Variants in AHCTF1 observed in about 807,000 individuals in gnomAD.
AHCTF1 encodes protein ELYS.
A neutral mutation model predicts 248.4 loss-of-function variants in AHCTF1; 24 were observed. The observed-to-expected ratio is 0.10, with a 90% CI of 0.07 to 0.14. The LOEUF is 0.14. AHCTF1 is among the 10% of genes least tolerant of loss of function. The pLI is 1.00. For missense variants in AHCTF1, 2,206 were observed against 2,636.2 expected, an observed-to-expected ratio of 0.84 and a Z score of 3.57; for synonymous variants, 786 against 929.8, an observed-to-expected ratio of 0.85 and a Z score of 2.81.
Position 246,849,765 on chromosome 1 carries a change from C to T in AHCTF1, c.6241G>A (p.Glu2081Lys). The T allele has an allele frequency of 6.2e-7, 1 of 1,613,970 alleles. No individual in the cohort carries two copies. The highest frequency in any genetic ancestry group is 1.1e-5 in the South Asian group (1 of 91,076). The change falls in exon 33 of 36, where the codon GAA (glutamate) becomes AAA (lysine). Residue 2081 changes from glutamate (E) to lysine (K), a missense_variant. Coordinates refer to ENST00000648844, the MANE Select transcript of AHCTF1 (RefSeq NM_001323342.2). Reference sequence around the variant, plus strand: ...GAAGCTGTGGCGAGCAATCTTTCTTCCTGCTCATTTGTTTCTTTATGTGTC... The same window carrying T: ...GAAGCTGTGGCGAGCAATCTTTCTTTCTGCTCATTTGTTTCTTTATGTGTC... ...EMTHKETNEQ[E>K]ERLLATASFT...
In AHCTF1 at chr1:246,851,204, C is replaced by T; in HGVS notation, c.4802G>A (p.Gly1601Glu). 1.2e-6 allele frequency: 2 copies of T among 1,613,926 alleles called. No homozygotes were observed. Among genetic ancestry groups the T allele is most frequent in the Non-Finnish European group, 1.7e-6 (2 of 1,179,848 alleles). ...NFTLILEGEE[G>E]EVEPGDFASS... The stretch of plus-strand genomic sequence containing the variant: ...TGCAAAATCACCTGGCTCAACTTCT[C>T]CTTCTTCACCTTCCAATATCAAGGT... Residue 1601 changes from glycine (G) to glutamate (E), a missense_variant, in exon 33 of 36, where the codon GGA becomes GAA. This residue lies in a region of AHCTF1 where 955 missense variants were observed against 1,055.6 expected (regional missense o/e 0.90). Coordinates refer to ENST00000648844, the MANE Select transcript of AHCTF1 (RefSeq NM_001323342.2).
At chr1:246,930,036 A>G (rs1368965653) in intron 1 of AHCTF1, among the ~76,000 whole-genome samples, 1 of 147,840 alleles carries the variant, frequency 6.8e-6, no homozygotes, top group African/African-American at 2.6e-5. Context: ...TGGGCAACAG[A>G]GCAAGACCCC....
rs557487247 is a variant in AHCTF1 at position 246,922,806 on chromosome 1, C to T, written c.-7-4429G>A. Among the ~76,000 whole-genome samples, 9 of 150,528 alleles carry T rather than the reference C, an allele frequency of 6.0e-5. No homozygotes were observed. In the South Asian group the frequency reaches 8.4e-4, roughly 14 times the overall value. On this transcript the variant is annotated intron_variant, in intron 1 of 35. Transcript: ENST00000648844. Reference sequence around the variant, plus strand: ...GACCATCCTGGATAACACGGTGAAACCCTGTCTCTACTAAAAATACAAAAA... The same window carrying T: ...GACCATCCTGGATAACACGGTGAAATCCTGTCTCTACTAAAAATACAAAAA...
chr1:246,873,906 G>T (rs917123189), intron 24 of AHCTF1, among the ~76,000 whole-genome samples: 2 of 152,058 alleles, frequency 1.3e-5, no homozygotes, highest in Admixed American at 6.5e-5. Context: ...ACTATTCAAC[G>T]ATAGGTGAAA....
intron 1 of AHCTF1, among the ~76,000 whole-genome samples, chr1:246,928,461 C>G (rs771404535): frequency 2.2e-4 from 34 of 152,034 alleles, no homozygotes; most frequent in Non-Finnish European, 5.9e-5. Context: ...ATTAGGATAA[C>G]AGGATACTGT....
rs201113359 is a variant in AHCTF1 at position 246,898,288 on chromosome 1, G to A, written c.1543C>T (p.Pro515Ser). ...ACAAGACATCGATTATAACCATCAG[G>A]AATGAGTTCATTGAGTGATGGACCT... ...KSGPSLNELI[P>S]DGYNRCLVAG... Residue 515 changes from proline (P) to serine (S), a missense_variant, in exon 12 of 36, where the codon CCT (proline) becomes TCT (serine). Transcript: ENST00000648844. 7.4e-6 allele frequency: 12 copies of A among 1,612,888 alleles called. No homozygotes were observed. Among genetic ancestry groups the A allele is most frequent in the Non-Finnish European group, 9.3e-6 (11 of 1,179,866 alleles).
chr1:246,877,435 TTTG>T (rs1161919828), intron 21 of AHCTF1, 133 bp from the exon 22 acceptor site: 1 of 991,102 alleles, frequency 1.0e-6, no homozygotes, highest in African/African-American at 1.7e-5. Flanking sequence ...ACTTTAAAAA[TTTG>T]TTGAATACTA....
chr1:246,886,660 G>A (rs1038033713), intron 20 of AHCTF1, among the ~76,000 whole-genome samples: 1 of 152,048 alleles, frequency 6.6e-6, no homozygotes, highest in Admixed American at 6.5e-5. Flanking sequence ...GGACACAGAG[G>A]GCCGATGGTA....
At chr1:246,905,818 C>T (rs944416858) in intron 5 of AHCTF1, among the ~76,000 whole-genome samples, 161 bp from the exon 6 acceptor site, 4 of 152,206 alleles carry the variant, frequency 2.6e-5, no homozygotes, top group African/African-American at 7.2e-5. Flanking sequence ...AAAATACACA[C>T]GGCACAAGAC....
intron 29 of AHCTF1, among the ~76,000 whole-genome samples, 184 bp from the exon 30 acceptor site, chr1:246,857,998 C>T (rs111882101): frequency 0.025 from 3,680 of 144,482 alleles, 51 homozygotes; most frequent in Non-Finnish European, 0.039. Flanking sequence ...CTTGCTGTGT[C>T]GCCCAGGCTG....
intron 1 of AHCTF1, among the ~76,000 whole-genome samples, chr1:246,923,082 G>A (rs1572474860): frequency 3.2e-5 from 3 of 94,154 alleles, no homozygotes; most frequent in South Asian, 3.3e-4. Flanking sequence ...GGAGAATGAA[G>A]AAGAAGTTAT....
intron 26 of AHCTF1, chr1:246,865,370 T>G (rs1214716053): frequency 6.6e-6 from 1 of 152,174 alleles, no homozygotes; most frequent in African/African-American, 2.4e-5. Context: ...TTAGGAGCGG[T>G]AGACCAACAC....
At chr1:246,922,646 G>A (rs1330835891) in intron 1 of AHCTF1, among the ~76,000 whole-genome samples, 3 of 150,852 alleles carry the variant, frequency 2.0e-5, no homozygotes, top group Non-Finnish European at 4.4e-5. Context: ...CTCCTGCCTC[G>A]GCCTCCCAAA....
rs1667375843 is a variant in AHCTF1 at position 246,931,735 on chromosome 1, C to T, written c.-165G>A. The T allele has an allele frequency of 6.5e-6, 1 of 153,094 alleles. No individual in the cohort carries two copies. Among genetic ancestry groups the T allele is most frequent in the African/African-American group, 2.4e-5 (1 of 41,458 alleles). The allele number at this position is 153,094 out of a possible 1,614,324, so 9.5% of individuals were successfully genotyped here. ...CCTCCGCCCGGCTGAAGCCGCTCCTCTGCGCTCCGGCCGCCGCCTGCGACC... is the reference window on the plus strand; with the variant it reads ...CCTCCGCCCGGCTGAAGCCGCTCCTTTGCGCTCCGGCCGCCGCCTGCGACC... On this transcript the variant is annotated 5_prime_UTR_variant, in exon 1 of 36. Transcript: ENST00000648844.
intron 21 of AHCTF1, 139 bp downstream of exon 21, chr1:246,885,354 T>A: frequency 1.6e-6 from 1 of 640,262 alleles, no homozygotes. Flanking sequence ...TCAATCTGAA[T>A]TTGATGCAGA....
intron 33 of AHCTF1, among the ~76,000 whole-genome samples, chr1:246,845,243 G>GT (rs756360999): frequency 6.6e-6 from 1 of 151,782 alleles, no homozygotes; most frequent in Non-Finnish European, 1.5e-5. Context: ...ATATAAAAAT[G>GT]TTTTTTGTGG....
intron 21 of AHCTF1, among the ~76,000 whole-genome samples, chr1:246,882,001 TTTG>T (rs1218556005): frequency 8.7e-5 from 12 of 137,776 alleles, no homozygotes; most frequent in Non-Finnish European, 1.7e-4. Flanking sequence ...TACTTTTTTT[TTTG>T]TTTTTTTTTT....
At chr1:246,864,846 C>CACA (rs1661843791) in intron 26 of AHCTF1, among the ~76,000 whole-genome samples, 1 of 2,260 alleles carries the variant, frequency 4.4e-4, no homozygotes, top group Non-Finnish European at 5.5e-4. Flanking sequence ...GACTCCGTCT[C>CACA]AAAAAAAAAA....
intron 14 of AHCTF1, among the ~76,000 whole-genome samples, chr1:246,893,572 T>C (rs1247796168): frequency 7.2e-5 from 11 of 152,336 alleles, no homozygotes; most frequent in African/African-American, 2.6e-4. Context: ...ATTCATGACA[T>C]ACCTCAAGAC....
Sources: allele counts gnomAD v4.1 joint callset (sites outside exome capture counted in the v4.1 genomes callset), GRCh38; gene constraint gnomAD v4.1.1; regional missense constraint gnomAD v4.1.1; transcripts MANE v1.5; gene names NCBI Gene and HGNC (gene_info 2026-07-23, HGNC 2026-07-21).